Variants in FRK observed in about 807,000 individuals in gnomAD.
The protein encoded by FRK is tyrosine-protein kinase FRK.
In FRK, 51 loss-of-function variants were observed where a neutral mutation model predicts 56.4. The ratio of observed to expected loss-of-function variants is 0.90; its 90% CI spans 0.72 to 1.14. FRK has a LOEUF of 1.14. Ranked by LOEUF, FRK falls within the 50% of genes most tolerant of loss-of-function variation. The pLI is 0.00. For missense variants in FRK, 570 were observed against 601.4 expected, an observed-to-expected ratio of 0.95 and a Z score of 0.55; for synonymous variants, 245 against 217.9, an observed-to-expected ratio of 1.12 and a Z score of -1.10.
chr6:115,934,008 C>A lies in FRK; in HGVS notation c.*8406G>T, dbSNP rs1321839980. 1.3e-5 allele frequency: 2 copies of A among 152,128 alleles called. No homozygotes were observed. The highest frequency in any genetic ancestry group is 2.9e-5 in the Non-Finnish European group (2 of 68,028). 9.4% of individuals were successfully genotyped at this position (152,128 alleles called of 1,614,324 possible). A position where few individuals can be genotyped will look rare whatever the true frequency, so the allele number is the denominator to read the frequency against. Reference sequence around the variant, plus strand: ...CACACATCTGCCTGGAATACACACACACACACACCATATAAACACACAAAA... The same window carrying A: ...CACACATCTGCCTGGAATACACACAAACACACACCATATAAACACACAAAA... On this transcript the variant is annotated 3_prime_UTR_variant, in exon 8 of 8. Transcript: ENST00000606080.
At chr6:115,987,764 T>G (rs1260313428) in intron 2 of FRK, among the ~76,000 whole-genome samples, 1 of 152,082 alleles carries the variant, frequency 6.6e-6, no homozygotes, top group Non-Finnish European at 1.5e-5. Flanking sequence ...AATAAATATT[T>G]GATGAATGAA....
intron 2 of FRK, among the ~76,000 whole-genome samples, chr6:115,988,074 T>C (rs1221735707): frequency 6.6e-6 from 1 of 152,066 alleles, no homozygotes; most frequent in East Asian, 1.9e-4. Flanking sequence ...CAGCAATGCA[T>C]AGGCTTTTAA....
intron 5 of FRK, among the ~76,000 whole-genome samples, chr6:115,955,701 C>T (rs1430294194): frequency 3.9e-5 from 6 of 152,104 alleles, no homozygotes; most frequent in Non-Finnish European, 1.5e-5. Context: ...CCTCCCTTTA[C>T]CTCTAAACAT....
intron 2 of FRK, among the ~76,000 whole-genome samples, chr6:115,996,391 G>A (rs896755769): frequency 2.6e-5 from 4 of 152,074 alleles, no homozygotes; most frequent in Non-Finnish European, 5.9e-5. Flanking sequence ...AATCATGGTA[G>A]CTGAAGGGTC....
At chr6:116,066,276 T>C in the FRK span, among the ~76,000 whole-genome samples, 1 of 152,184 alleles carries the variant, frequency 6.6e-6, no homozygotes, top group Non-Finnish European at 1.5e-5. Context: ...ATCTTTCTCC[T>C]GTGCTGGATG....
chr6:116,099,114 G>A, the FRK span, among the ~76,000 whole-genome samples: 2 of 152,152 alleles, frequency 1.3e-5, no homozygotes, highest in African/African-American at 2.4e-5. Flanking sequence ...CTTGGTTATC[G>A]ACCCAGGGGT....
At chr6:116,064,820 T>C (rs1389054048), upstream of FRK, among the ~76,000 whole-genome samples, 1 of 152,190 alleles carries the variant, frequency 6.6e-6, no homozygotes, top group Non-Finnish European at 1.5e-5. Context: ...GCTAAGGAAT[T>C]TGTACTTTAT....
Position 115,953,177 on chromosome 6 carries a change from G to GC in FRK, c.958+3274dup, listed in dbSNP as rs1772840055. ...TTAAGAGTGGTACATCCATTTTAAG[G>GC]CCATTTTTTTTTTTTTTTTTTTTTT... On this transcript the variant is annotated intron_variant, in intron 5 of 7. Coordinates refer to ENST00000606080, the MANE Select transcript of FRK (RefSeq NM_002031.3). 1.8e-5 allele frequency among the ~76,000 whole-genome samples: 2 copies of GC among 111,774 alleles called. 1 individual carries two copies. The highest frequency in any genetic ancestry group is 6.5e-5 in the African/African-American group (2 of 31,002). 73.3% of individuals were successfully genotyped at this position (111,774 alleles called of 152,430 possible).
chr6:116,073,479 A>G, the FRK span, among the ~76,000 whole-genome samples: 1 of 152,194 alleles, frequency 6.6e-6, no homozygotes, highest in Non-Finnish European at 1.5e-5. Context: ...ACTGGAAACA[A>G]AGAAATGTAT....
intron 5 of FRK, among the ~76,000 whole-genome samples, chr6:115,950,062 C>G (rs1387076310): frequency 6.6e-6 from 1 of 152,130 alleles, no homozygotes; most frequent in Non-Finnish European, 1.5e-5. Context: ...AACATAAGAA[C>G]TAAAACCATA....
intron 1 of FRK, among the ~76,000 whole-genome samples, chr6:116,009,946 G>C (rs1054865571): frequency 1.3e-5 from 2 of 152,124 alleles, no homozygotes; most frequent in Admixed American, 1.3e-4. Context: ...TCAACAAACT[G>C]GCCGGGCATG....
intron 5 of FRK, among the ~76,000 whole-genome samples, chr6:115,946,471 A>G (rs1402537364): frequency 2.6e-5 from 4 of 152,228 alleles, no homozygotes; most frequent in Admixed American, 6.5e-5. Flanking sequence ...AATCCTATCT[A>G]TTATTATCAT....
chr6:116,063,522 G>A (rs1324665411), upstream of FRK, among the ~76,000 whole-genome samples: 1 of 151,840 alleles, frequency 6.6e-6, no homozygotes, highest in Admixed American at 6.6e-5. Context: ...CCAACACATA[G>A]AAGCAGAGAG....
chr6:116,066,030 G>A, the FRK span, among the ~76,000 whole-genome samples: 2 of 152,072 alleles, frequency 1.3e-5, no homozygotes, highest in African/African-American at 4.8e-5. Context: ...ACTCTTGTTC[G>A]ATTGCAATTG....
At chr6:116,032,978 C>T (rs188447251) in intron 1 of FRK, among the ~76,000 whole-genome samples, 1 of 152,048 alleles carries the variant, frequency 6.6e-6, no homozygotes, top group Admixed American at 6.5e-5. Context: ...TTGTGAAATG[C>T]CTAGGACTGA....
chr6:116,087,522 T>C, the FRK span, among the ~76,000 whole-genome samples: 8 of 152,356 alleles, frequency 5.3e-5, 1 homozygote, highest in South Asian at 1.7e-3. Context: ...ATGTGAGTCA[T>C]GACACGAACA....
the FRK span, among the ~76,000 whole-genome samples, chr6:116,071,549 A>G: frequency 6.6e-6 from 1 of 152,210 alleles, no homozygotes; most frequent in Non-Finnish European, 1.5e-5. Flanking sequence ...AGATGCAATC[A>G]GAATTTGTTT....
At chr6:115,959,358 C>T (rs1215490894) in intron 4 of FRK, among the ~76,000 whole-genome samples, 6 of 152,038 alleles carry the variant, frequency 3.9e-5, no homozygotes, top group Non-Finnish European at 8.8e-5. Context: ...TGTCTTTTGA[C>T]TTCCCAAAGG....
chr6:116,063,261 T>C (rs1344025870), upstream of FRK, among the ~76,000 whole-genome samples: 1 of 152,218 alleles, frequency 6.6e-6, no homozygotes, highest in Non-Finnish European at 1.5e-5. Context: ...TGAACTCCTA[T>C]GTTTATTGCA....
Sources: allele counts gnomAD v4.1 joint callset (sites outside exome capture counted in the v4.1 genomes callset), GRCh38; gene constraint gnomAD v4.1.1; transcripts MANE v1.5; gene names NCBI Gene and HGNC (gene_info 2026-07-23, HGNC 2026-07-21).